TYW1: variants seen among roughly 807,000 people sequenced by gnomAD.
TYW1 encodes tRNA-yW synthesizing protein 1 homolog, also known as S-adenosyl-L-methionine-dependent tRNA 4-demethylwyosine synthase TYW1.
In TYW1, 46 loss-of-function variants were observed where a neutral mutation model predicts 96.2. The ratio of observed to expected loss-of-function variants is 0.48; its 90% CI spans 0.38 to 0.61. The LOEUF (loss-of-function observed/expected upper bound fraction) is 0.61, where lower values mean the gene tolerates loss of function less well. TYW1 is among the 20% of genes least tolerant of loss of function. The pLI, the probability that TYW1 is intolerant of heterozygous loss-of-function variation, is 0.00. For synonymous variants in TYW1, 274 were observed against 323.0 expected (o/e 0.85, Z 1.63); for missense variants, 684 against 909.6 (o/e 0.75, Z 3.19).
chr7:67,233,806 A>C (rs2901423), intron 15 of TYW1, among the ~76,000 whole-genome samples: 1,907 of 136,100 alleles, frequency 0.014, 326 homozygotes, highest in Admixed American at 0.088. Context: ...GATTCGTCTC[A>C]GATTGCCCTG....
intron 10 of TYW1, among the ~76,000 whole-genome samples, chr7:67,073,887 C>G (rs1796121670): frequency 6.7e-6 from 1 of 150,034 alleles, no homozygotes; most frequent in Non-Finnish European, 1.5e-5. Context: ...TCGAAACCAT[C>G]CTGGCTAACA....
intron 7 of TYW1, among the ~76,000 whole-genome samples, chr7:67,048,927 T>C (rs1329333644): frequency 6.6e-6 from 1 of 152,234 alleles, no homozygotes; most frequent in East Asian, 1.9e-4. Flanking sequence ...GGCATGAGAA[T>C]TGCTTGAACC....
intron 11 of TYW1, among the ~76,000 whole-genome samples, chr7:67,097,410 T>G (rs1796953216): frequency 6.6e-6 from 1 of 152,196 alleles, no homozygotes; most frequent in Non-Finnish European, 1.5e-5. Flanking sequence ...TATTTTTGGT[T>G]TTTTTGGAGA....
intron 15 of TYW1, among the ~76,000 whole-genome samples, chr7:67,210,454 A>G (rs1370706047): frequency 6.6e-6 from 1 of 152,080 alleles, no homozygotes; most frequent in Admixed American, 6.6e-5. Flanking sequence ...CCTGCTTTTC[A>G]TACTGTGCTC....
intron 13 of TYW1, among the ~76,000 whole-genome samples, chr7:67,129,411 A>G (rs1038905360): frequency 6.6e-6 from 1 of 152,188 alleles, no homozygotes; most frequent in African/African-American, 2.4e-5. Context: ...TTTATGTGTC[A>G]GACTTGTCCA....
chr7:67,023,843 GA>G (rs1252916855), intron 6 of TYW1, among the ~76,000 whole-genome samples: 3 of 152,134 alleles, frequency 2.0e-5, no homozygotes, highest in African/African-American at 7.2e-5. Context: ...TCCTCAATTG[GA>G]GAAAGGGATG....
At position 66,998,165 on chromosome 7, in the gene TYW1, G is replaced by A; in HGVS notation, c.105G>A (p.Trp35Ter). The A allele has an allele frequency of 1.2e-6, 2 of 1,610,426 alleles. No individual in the cohort carries two copies. The highest frequency in any genetic ancestry group is 1.7e-6 in the Non-Finnish European group (2 of 1,179,008). Reference sequence around the variant, plus strand: ...GCTTTGCTGTTAGCATTAGCCTTTGGATTTGTGTCCAGATTGTCATCAAGA... The same window carrying A: ...GCTTTGCTGTTAGCATTAGCCTTTGAATTTGTGTCCAGATTGTCATCAAGA... ...YLGFAVSISL[W>*]ICVQIVIKTQ... Residue 35 changes from tryptophan (W) to a stop codon, truncating the protein, a stop_gained, in exon 2 of 16, where the codon TGG (tryptophan) becomes TGA (stop). Coordinates refer to ENST00000359626, the MANE Select transcript of TYW1 (RefSeq NM_018264.4). LOFTEE classifies it high-confidence loss of function.
intron 13 of TYW1, among the ~76,000 whole-genome samples, chr7:67,125,557 C>G (rs1797889049): frequency 6.6e-6 from 1 of 151,940 alleles, no homozygotes; most frequent in Non-Finnish European, 1.5e-5. Context: ...ACTGATGAAC[C>G]TACACGGATC....
At chr7:67,195,550 C>A (rs978221316) in intron 15 of TYW1, among the ~76,000 whole-genome samples, 2 of 152,130 alleles carry the variant, frequency 1.3e-5, no homozygotes, top group African/African-American at 4.8e-5. Flanking sequence ...CTCCTCTGGA[C>A]ATCTTGAAGT....
At chr7:67,228,002 C>T (rs143935669) in intron 15 of TYW1, among the ~76,000 whole-genome samples, 204 of 152,296 alleles carry the variant, frequency 1.3e-3, no homozygotes, top group African/African-American at 4.6e-3. Context: ...GGCCGCTGAA[C>T]TTTGCACTGG....
chr7:67,230,735 C>T (rs574008035), intron 15 of TYW1, among the ~76,000 whole-genome samples: 2 of 150,202 alleles, frequency 1.3e-5, no homozygotes, highest in South Asian at 4.2e-4. Context: ...TCACTGCAAC[C>T]TCTACCTCCC....
chr7:67,045,581 T>C (rs889127908), intron 7 of TYW1, among the ~76,000 whole-genome samples: 2 of 152,228 alleles, frequency 1.3e-5, no homozygotes, highest in African/African-American at 4.8e-5. Context: ...TTTATTACTA[T>C]TATTCTGTAA....
At position 67,018,152 on chromosome 7, in the gene TYW1, CCTGT is replaced by C; in HGVS notation, c.861+10_861+13del. ...ATCATAGAGACACCGAGGTATACCGCCTGTGTGTTCATCTCTCGAGGCTTTCCTC... is the reference window on the plus strand; with the variant it reads ...ATCATAGAGACACCGAGGTATACCGCGTGTTCATCTCTCGAGGCTTTCCTC... On this transcript the variant is annotated intron_variant, in intron 6 of 15. Coordinates refer to ENST00000359626, the MANE Select transcript of TYW1 (RefSeq NM_018264.4). 1.2e-6 allele frequency: 2 copies of C among 1,608,094 alleles called. No individual in the cohort carries two copies. The highest frequency in any genetic ancestry group is 2.2e-5 in the South Asian group (2 of 90,820).
At chr7:67,001,964 G>T (rs2129236849) in intron 3 of TYW1, among the ~76,000 whole-genome samples, 1 of 151,866 alleles carries the variant, frequency 6.6e-6, no homozygotes, top group Middle Eastern at 3.4e-3. Flanking sequence ...AATCTGGGAG[G>T]TGGAGGTTGC....
rs1399321954 is a variant in TYW1 at position 67,146,914 on chromosome 7, A to C, written c.1698+29296A>C. Among the ~76,000 whole-genome samples the C allele has an allele frequency of 9.3e-5, 4 of 43,062 alleles. No individual in the cohort carries two copies. The East Asian group carries it at 1.6e-3, about 17-fold the overall frequency. 28.3% of individuals were successfully genotyped at this position (43,062 alleles called of 152,430 possible). On this transcript the variant is annotated intron_variant, in intron 13 of 15. Transcript: ENST00000359626. ...CTTCATGGTTCATAATGGTTGCTAG[A>C]GCCATCATGTTGGCATTCCAGCCTT...
intron 15 of TYW1, among the ~76,000 whole-genome samples, chr7:67,235,905 A>AAAAAG (rs1554398565): frequency 5.8e-5 from 7 of 121,262 alleles, no homozygotes; most frequent in African/African-American, 1.7e-4. Flanking sequence ...AAAAAAAAAA[A>AAAAAG]AAAAAGAAAA....
chr7:67,052,130 A>C (rs1046492677), intron 8 of TYW1, among the ~76,000 whole-genome samples: 1 of 151,956 alleles, frequency 6.6e-6, no homozygotes, highest in African/African-American at 2.4e-5. Context: ...GCCTCAGTTT[A>C]GTTTTCTTCA....
chr7:67,195,375 A>G (rs763019460), intron 15 of TYW1, 38 bp downstream of exon 15: 1 of 1,606,966 alleles, frequency 6.2e-7, no homozygotes, highest in South Asian at 1.1e-5. Context: ...CTGTTCCCCG[A>G]CCCTGCTGTT....
intron 7 of TYW1, among the ~76,000 whole-genome samples, chr7:67,036,028 T>C (rs1251025220): frequency 1.4e-5 from 2 of 146,834 alleles, no homozygotes; most frequent in Non-Finnish European, 3.0e-5. Context: ...ATCAGAATGG[T>C]TTTGATATTT....
Sources: allele counts gnomAD v4.1 joint callset (sites outside exome capture counted in the v4.1 genomes callset), GRCh38; gene constraint gnomAD v4.1.1; transcripts MANE v1.5; gene names NCBI Gene and HGNC (gene_info 2026-07-23, HGNC 2026-07-21).